The following ANAPC1 variants were observed in gnomAD, a reference collection of about 807,000 sequenced individuals.
ANAPC1 encodes the protein anaphase promoting complex subunit 1.
ANAPC1 carries 36 observed loss-of-function variants against 208.0 expected under a neutral mutation model. That is an observed-to-expected ratio of 0.17 (90% CI 0.13 to 0.23). The LOEUF (loss-of-function observed/expected upper bound fraction) is 0.23. Ranked by LOEUF, ANAPC1 falls within the 10% of genes least tolerant of loss-of-function variation. ANAPC1 has a pLI of 1.00. For missense variants in ANAPC1, 942 were observed against 2,011.6 expected (o/e 0.47, Z 10.17); for synonymous variants, 378 against 695.2 (o/e 0.54, Z 7.18).
intron 24 of ANAPC1, among the ~76,000 whole-genome samples, chr2:111,823,171 G>A (rs550335044): frequency 2.1e-4 from 31 of 150,354 alleles, no homozygotes; most frequent in Admixed American, 1.4e-3. Context: ...CACCATGCCC[G>A]GCTAATTTTT....
At chr2:111,843,961 T>G (rs1680913450) in intron 16 of ANAPC1, among the ~76,000 whole-genome samples, 2 of 151,202 alleles carry the variant, frequency 1.3e-5, no homozygotes, top group South Asian at 4.2e-4. Context: ...GTAGCTGGGA[T>G]TACAGGCGTC....
intron 3 of ANAPC1, 101 bp downstream of exon 3, chr2:111,878,709 A>T: frequency 6.7e-7 from 1 of 1,494,776 alleles, no homozygotes; most frequent in Non-Finnish European, 9.0e-7. Flanking sequence ...AGCTGCTGAG[A>T]TCATTAGGCT....
At chr2:111,883,058 T>C (rs1293910990) in intron 1 of ANAPC1, among the ~76,000 whole-genome samples, 3 of 151,442 alleles carry the variant, frequency 2.0e-5, no homozygotes, top group East Asian at 3.9e-4. Context: ...TCCCAGCTAC[T>C]TGGGAGGCTG....
intron 19 of ANAPC1, among the ~76,000 whole-genome samples, chr2:111,834,142 CA>C (rs370377949): frequency 3.3e-5 from 5 of 152,344 alleles, no homozygotes; most frequent in African/African-American, 9.6e-5. Flanking sequence ...CCACAACTAT[CA>C]AACACTCGCA....
chr2:111,868,982 T>C (rs2104580311), intron 6 of ANAPC1, among the ~76,000 whole-genome samples: 1 of 152,340 alleles, frequency 6.6e-6, no homozygotes, highest in East Asian at 1.9e-4. Flanking sequence ...AGGTGCTGTA[T>C]GCTGCTGCCC....
At chr2:111,844,175 C>A (rs543391309) in intron 16 of ANAPC1, among the ~76,000 whole-genome samples, 1 of 152,166 alleles carries the variant, frequency 6.6e-6, no homozygotes, top group African/African-American at 2.4e-5. Flanking sequence ...AATCAAATAG[C>A]CCAGTTTGCC....
chr2:111,825,844 C>T lies in ANAPC1; in HGVS notation c.2637G>A (p.Leu879=), dbSNP rs749240545. The part of the protein sequence containing the change: ...RSRLVVLSIA[L]YILGDESLVS... Reference sequence around the variant, plus strand: ...CCAAGCTCTCATCACCAAGTATGTACAGTGCAATACTCTGCAAAGGAAGAA... The same window carrying T: ...CCAAGCTCTCATCACCAAGTATGTATAGTGCAATACTCTGCAAAGGAAGAA... Residue 879 remains leucine, a synonymous_variant, in exon 22 of 48, where the codon CTG becomes CTA. Transcript: ENST00000341068. 2 of 1,608,406 alleles carry T rather than the reference C, an allele frequency of 1.2e-6. No individual in the cohort carries two copies. Among genetic ancestry groups the T allele is most frequent in the South Asian group, 1.1e-5 (1 of 90,440 alleles).
chr2:111,863,944 G>A, intron 8 of ANAPC1, 49 bp from the exon 9 acceptor site: 5 of 1,513,078 alleles, frequency 3.3e-6, no homozygotes, highest in Non-Finnish European at 4.4e-6. Flanking sequence ...ACAATAATTA[G>A]AATAAAGTAG....
At chr2:111,769,799 G>GC (rs984601589) in intron 47 of ANAPC1, among the ~76,000 whole-genome samples, 5 of 143,140 alleles carry the variant, frequency 3.5e-5, no homozygotes, top group East Asian at 2.2e-4. Context: ...TCCTGCCTCA[G>GC]CCCCCCGAGT....
chr2:111,874,375 C>T (rs1010972924), intron 3 of ANAPC1, among the ~76,000 whole-genome samples: 9 of 152,018 alleles, frequency 5.9e-5, no homozygotes, highest in Non-Finnish European at 1.2e-4. Flanking sequence ...CTGCACATTT[C>T]CAGAACTTTT....
At chr2:111,871,343 T>C (rs1351204664) in intron 6 of ANAPC1, among the ~76,000 whole-genome samples, 1 of 152,250 alleles carries the variant, frequency 6.6e-6, no homozygotes, top group East Asian at 1.9e-4. Flanking sequence ...GTTTGTGTCA[T>C]CTGTGATTTC....
chr2:111,859,338 C>T (rs1681925182), intron 10 of ANAPC1, among the ~76,000 whole-genome samples: 1 of 151,854 alleles, frequency 6.6e-6, no homozygotes, highest in Non-Finnish European at 1.5e-5. Flanking sequence ...CAAAATTAGC[C>T]AGTAATCCTG....
intron 17 of ANAPC1, among the ~76,000 whole-genome samples, chr2:111,839,133 G>A (rs1338294357): frequency 1.3e-5 from 2 of 152,132 alleles, no homozygotes; most frequent in Non-Finnish European, 2.9e-5. Context: ...TGCTCCTCCA[G>A]GCTCTTTGCC....
chr2:111,864,648 G>T (rs1472381974), intron 8 of ANAPC1, among the ~76,000 whole-genome samples, 158 bp downstream of exon 8: 2 of 151,476 alleles, frequency 1.3e-5, no homozygotes, highest in African/African-American at 2.4e-5. Flanking sequence ...TTTTGGTATA[G>T]ATGGGGTTTC....
intron 3 of ANAPC1, among the ~76,000 whole-genome samples, chr2:111,875,439 A>G (rs1049662163): frequency 2.0e-5 from 3 of 152,174 alleles, no homozygotes; most frequent in Admixed American, 2.0e-4. Flanking sequence ...CTAAAAGTAA[A>G]TATTTTAACA....
chr2:111,783,353 C>T (rs1385103663), intron 42 of ANAPC1, among the ~76,000 whole-genome samples: 3 of 152,154 alleles, frequency 2.0e-5, no homozygotes, highest in Non-Finnish European at 4.4e-5. Context: ...TCATGCTGTT[C>T]TCATGATAGT....
At chr2:111,808,793 T>TAC (rs1678826279) in intron 29 of ANAPC1, among the ~76,000 whole-genome samples, 154 bp downstream of exon 29, 1 of 152,076 alleles carries the variant, frequency 6.6e-6, no homozygotes, top group African/African-American at 2.4e-5. Flanking sequence ...CTTAGAGTTT[T>TAC]GTTGTTTTTT....
intron 2 of ANAPC1, chr2:111,880,395 A>G: frequency 9.7e-7 from 1 of 1,033,042 alleles, no homozygotes; most frequent in East Asian, 3.4e-5. Context: ...TGAAAAATAA[A>G]AAATAAATAA....
intron 16 of ANAPC1, among the ~76,000 whole-genome samples, chr2:111,846,352 T>C (rs1055582888): frequency 6.6e-6 from 1 of 151,604 alleles, no homozygotes; most frequent in African/African-American, 2.4e-5. Flanking sequence ...TTTTATTCAA[T>C]TAAGGCAATT....
Sources: gnomAD v4.1 joint callset for allele counts (sites outside exome capture counted in the v4.1 genomes callset) on GRCh38, gnomAD v4.1.1 for gene constraint, MANE v1.5 for transcripts, NCBI Gene and HGNC (gene_info 2026-07-23, HGNC 2026-07-21) for gene names.